The following NAALADL2 variants were observed in gnomAD, a reference collection of about 807,000 sequenced individuals.
NAALADL2 encodes inactive N-acetylated-alpha-linked acidic dipeptidase-like protein 2.
A neutral mutation model predicts 87.2 loss-of-function variants in NAALADL2; 76 were observed. That is an observed-to-expected ratio of 0.87 (90% CI 0.72 to 1.05). The LOEUF is 1.05. Ranked by LOEUF, NAALADL2 falls within the 50% of genes least tolerant of loss-of-function variation. The pLI, the probability that NAALADL2 is intolerant of heterozygous loss-of-function variation, is 0.00. For missense variants in NAALADL2, 1,089 were observed against 945.8 expected, an observed-to-expected ratio of 1.15 and a Z score of -1.99; for synonymous variants, 354 against 331.0, an observed-to-expected ratio of 1.07 and a Z score of -0.75.
chr3:175,088,001 T>C (rs909909888), intron 1 of NAALADL2, among the ~76,000 whole-genome samples: 2 of 152,188 alleles, frequency 1.3e-5, no homozygotes, highest in African/African-American at 4.8e-5. Context: ...TCACAATTCT[T>C]GGTTTTCTTT....
chr3:175,747,255 T>C (rs2150113389), intron 12 of NAALADL2, among the ~76,000 whole-genome samples: 1 of 152,366 alleles, frequency 6.6e-6, no homozygotes, highest in South Asian at 2.1e-4. Context: ...TTGGTGCTAT[T>C]CACACGGCTT....
chr3:174,967,098 A>C (rs1431186687), intron 1 of NAALADL2, among the ~76,000 whole-genome samples: 1 of 152,198 alleles, frequency 6.6e-6, no homozygotes, highest in African/African-American at 2.4e-5. Flanking sequence ...ACCTTCTTTA[A>C]AAATCAAGTA....
At chr3:174,934,689 CTA>C (rs1737420654) in intron 1 of NAALADL2, among the ~76,000 whole-genome samples, 1 of 151,850 alleles carries the variant, frequency 6.6e-6, no homozygotes, top group Non-Finnish European at 1.5e-5. Context: ...CAACAAAAAA[CTA>C]TGTGATAGGC....
intron 2 of NAALADL2, among the ~76,000 whole-genome samples, chr3:175,222,770 T>A (rs942133650): frequency 7.2e-5 from 11 of 152,130 alleles, no homozygotes; most frequent in African/African-American, 2.4e-4. Context: ...ATTAATTTAT[T>A]AAAAAATAAA....
chr3:175,094,721 T>C (rs1720800427), intron 1 of NAALADL2, among the ~76,000 whole-genome samples: 1 of 131,716 alleles, frequency 7.6e-6, no homozygotes, highest in East Asian at 2.2e-4. Context: ...TCTCTACACA[T>C]AGACTAAATG....
intron 3 of NAALADL2, among the ~76,000 whole-genome samples, chr3:174,765,143 C>CGA (rs71634279): frequency 0.13 from 16,691 of 124,346 alleles, 1,106 homozygotes; most frequent in South Asian, 0.22. Flanking sequence ...CACACACACA[C>CGA]GAGAGAGAGA....
intron 2 of NAALADL2, among the ~76,000 whole-genome samples, chr3:174,637,822 A>G (rs1195818422): frequency 3.9e-5 from 6 of 152,148 alleles, no homozygotes; most frequent in African/African-American, 1.4e-4. Context: ...GGGATTTTAT[A>G]AAGCCAAGTC....
chr3:175,048,159 T>C (rs938084924), intron 1 of NAALADL2, among the ~76,000 whole-genome samples: 2 of 152,280 alleles, frequency 1.3e-5, no homozygotes, highest in African/African-American at 4.8e-5. Context: ...CAACTATACA[T>C]TGAGTGTGGG....
intron 3 of NAALADL2, among the ~76,000 whole-genome samples, chr3:174,826,468 G>A (rs1486967684): frequency 3.9e-5 from 6 of 152,160 alleles, no homozygotes; most frequent in African/African-American, 1.4e-4. Flanking sequence ...GGCACATAGT[G>A]AGGCCTCATT....
At chr3:174,574,458 TA>T (rs1294629221) in intron 2 of NAALADL2, among the ~76,000 whole-genome samples, 1 of 152,108 alleles carries the variant, frequency 6.6e-6, no homozygotes, top group Non-Finnish European at 1.5e-5. Flanking sequence ...ATAATATAGA[TA>T]AAAAGTATGT....
intron 1 of NAALADL2, among the ~76,000 whole-genome samples, chr3:175,021,283 A>T (rs1447693379): frequency 6.6e-6 from 1 of 152,080 alleles, no homozygotes; most frequent in Admixed American, 6.6e-5. Context: ...AGCTGGGACC[A>T]TGCCTTTTCT....
intron 9 of NAALADL2, among the ~76,000 whole-genome samples, chr3:175,556,423 G>A (rs895666707): frequency 2.0e-5 from 3 of 151,916 alleles, no homozygotes; most frequent in African/African-American, 7.3e-5. Flanking sequence ...GATTCTTTAG[G>A]TTGGAATCCC....
chr3:175,622,438 G>T (rs1726361496), intron 10 of NAALADL2, among the ~76,000 whole-genome samples: 1 of 151,924 alleles, frequency 6.6e-6, no homozygotes, highest in Non-Finnish European at 1.5e-5. Context: ...CGTTTCACAG[G>T]CTTGAACACT....
chr3:174,566,439 C>T (rs1259224440), intron 2 of NAALADL2, among the ~76,000 whole-genome samples: 1 of 151,758 alleles, frequency 6.6e-6, no homozygotes, highest in Non-Finnish European at 1.5e-5. Context: ...CTGCTTTTCA[C>T]CTCCTCTTTT....
intron 3 of NAALADL2, among the ~76,000 whole-genome samples, chr3:174,828,590 G>A (rs563342946): frequency 3.3e-5 from 5 of 152,096 alleles, no homozygotes; most frequent in Non-Finnish European, 7.4e-5. Flanking sequence ...AAAAACACGA[G>A]TAAGCCAAAC....
intron 11 of NAALADL2, among the ~76,000 whole-genome samples, chr3:175,636,252 C>CCTGCACATGA (rs1728520822): frequency 6.6e-6 from 1 of 151,820 alleles, no homozygotes; most frequent in Non-Finnish European, 1.5e-5. Flanking sequence ...TGCACATGAC[C>CCTGCACATGA]CTGAGAGTCA....
At chr3:175,075,480 A>G (rs891007576) in intron 1 of NAALADL2, among the ~76,000 whole-genome samples, 6 of 152,196 alleles carry the variant, frequency 3.9e-5, no homozygotes, top group Non-Finnish European at 7.4e-5. Context: ...TTCTCCATGC[A>G]GTGTCACCCT....
At chr3:175,754,981 C>T (rs1747069623) in intron 12 of NAALADL2, among the ~76,000 whole-genome samples, 1 of 152,100 alleles carries the variant, frequency 6.6e-6, no homozygotes, top group African/African-American at 2.4e-5. Context: ...TAAATATATT[C>T]TCAAAGTTCA....
At chr3:175,137,300 A>G (rs1448719858) in intron 2 of NAALADL2, among the ~76,000 whole-genome samples, 1 of 152,236 alleles carries the variant, frequency 6.6e-6, no homozygotes, top group East Asian at 1.9e-4. Flanking sequence ...TGTTTCACCC[A>G]CATATATTAT....
Sources: allele counts gnomAD v4.1 joint callset (sites outside exome capture counted in the v4.1 genomes callset), GRCh38; gene constraint gnomAD v4.1.1; transcripts MANE v1.5; gene names NCBI Gene and HGNC (gene_info 2026-07-23, HGNC 2026-07-21).